SPTBN1: variants seen among roughly 807,000 people sequenced by gnomAD.
SPTBN1 encodes spectrin beta, non-erythrocytic 1.
SPTBN1 carries 32 observed loss-of-function variants against 266.4 expected under a neutral mutation model. That is an observed-to-expected ratio of 0.12 (90% CI 0.09 to 0.16). The LOEUF is 0.16. Among genes scored for constraint, SPTBN1 ranks in the 10% least tolerant of loss-of-function variants. The pLI is 1.00. For missense variants in SPTBN1, 2,296 were observed against 3,067.1 expected (o/e 0.75, Z 5.94); for synonymous variants, 1,336 against 1,162.2 (o/e 1.15, Z -3.04).
In SPTBN1 at chr2:54,631,374, C is replaced by T. The variant is rs1052788; in HGVS notation, c.3327C>T (p.Asn1109=). ...TCACGCAGCACGAGAACATCAAGAA[C>T]GAGATCGACAACTACGAGGAGGACT... ...KLLTQHENIK[N]EIDNYEEDYQ... Residue 1109 remains asparagine (N), a synonymous_variant, in exon 16 of 36, where the codon AAC becomes AAT. Transcript: ENST00000356805. 0.31 allele frequency: 493,978 copies of T among 1,614,044 alleles called. 79,584 individuals are homozygous for T. The highest frequency in any genetic ancestry group is 0.34 in the Admixed American group (20,567 of 60,028).
At chr2:54,590,795 C>G (rs1398978004) in intron 2 of SPTBN1, among the ~76,000 whole-genome samples, 1 of 152,156 alleles carries the variant, frequency 6.6e-6, no homozygotes, top group Non-Finnish European at 1.5e-5. Context: ...AAGCTGATGC[C>G]TTAGGAGAGC....
rs546649133 is a variant in SPTBN1 at position 54,493,466 on chromosome 2, C to T, written c.-47-32906C>T. Among the ~76,000 whole-genome samples the T allele has an allele frequency of 5.3e-5, 8 of 151,766 alleles. No individual in the cohort carries two copies. The South Asian group carries it at 1.5e-3, about 28-fold the overall frequency. ...TGTCACGCAGACTGGAGTGCAGTGG[C>T]GTGATCTCAGCTCACTGCAACCTCC... is the stretch of plus-strand genomic sequence containing the variant. On this transcript the variant is annotated intron_variant, in intron 1 of 35. Transcript: ENST00000356805.
chr2:54,503,680 C>A (rs1302531255), intron 1 of SPTBN1, among the ~76,000 whole-genome samples: 1 of 152,190 alleles, frequency 6.6e-6, no homozygotes, highest in Non-Finnish European at 1.5e-5. Flanking sequence ...AGTAACACAG[C>A]AATATTAAAA....
chr2:54,539,767 C>T (rs532913286), intron 2 of SPTBN1, among the ~76,000 whole-genome samples: 9 of 152,252 alleles, frequency 5.9e-5, no homozygotes, highest in Non-Finnish European at 1.0e-4. Flanking sequence ...GTCTTGAACT[C>T]CTGGGCTCAA....
chr2:54,562,536 T>TTTTTCTTTTTTTTTC (rs1553447708), intron 2 of SPTBN1, among the ~76,000 whole-genome samples: 1 of 146,150 alleles, frequency 6.8e-6, no homozygotes, highest in Non-Finnish European at 1.5e-5. Flanking sequence ...TCTTTTTCTT[T>TTTTTCTTTTTTTTTC]TTTTTTTTTG....
At chr2:54,519,352 C>T (rs560712831) in intron 1 of SPTBN1, among the ~76,000 whole-genome samples, 12 of 152,222 alleles carry the variant, frequency 7.9e-5, no homozygotes, top group African/African-American at 2.9e-4. Context: ...GATAGGTCAG[C>T]GGTGCATAAG....
chr2:54,564,819 T>C (rs779144081), intron 2 of SPTBN1, among the ~76,000 whole-genome samples: 16 of 152,238 alleles, frequency 1.1e-4, no homozygotes, highest in African/African-American at 1.7e-4. Context: ...GATTTTTCAT[T>C]ACTGCCTTTT....
chr2:54,475,521 AT>A (rs1263555506), intron 1 of SPTBN1, among the ~76,000 whole-genome samples: 2 of 152,158 alleles, frequency 1.3e-5, no homozygotes, highest in Non-Finnish European at 2.9e-5. Flanking sequence ...GTTCTGAGGA[AT>A]GGCCTGTGTC....
chr2:54,654,001 A>G, intron 27 of SPTBN1, 148 bp downstream of exon 27: 2 of 1,226,590 alleles, frequency 1.6e-6, no homozygotes, highest in South Asian at 3.2e-5. Context: ...GGAGTGCGGC[A>G]CCACTGCTTG....
intron 7 of SPTBN1, among the ~76,000 whole-genome samples, chr2:54,620,630 C>CA (rs1677930177): frequency 1.3e-5 from 2 of 152,078 alleles, no homozygotes; most frequent in African/African-American, 2.4e-5. Flanking sequence ...GCCTGGGTGA[C>CA]AGAGTGAGAC....
chr2:54,549,353 C>T (rs1033821437), intron 2 of SPTBN1, among the ~76,000 whole-genome samples: 1 of 150,758 alleles, frequency 6.6e-6, no homozygotes, highest in African/African-American at 2.4e-5. Context: ...TTTCCAAGAG[C>T]ATTATGTCCT....
At position 54,554,231 on chromosome 2, in the gene SPTBN1, C is replaced by T. The variant is rs1672736229; in HGVS notation, c.148+27665C>T. On this transcript the variant is annotated intron_variant, in intron 2 of 35. Transcript: ENST00000356805. The surrounding 1 kb of genome is among the most constrained non-coding windows in gnomAD (Gnocchi z 4.5). ...ATATACTCTGAGCATATGGGAGAAA[C>T]AGCAGAGGTGGGGAGATGGGGAGCA... is the stretch of plus-strand genomic sequence containing the variant. 1.3e-5 allele frequency among the ~76,000 whole-genome samples: 2 copies of T among 152,164 alleles called. No homozygotes were observed. Among genetic ancestry groups the T allele is most frequent in the Non-Finnish European group, 2.9e-5 (2 of 68,038 alleles).
chr2:54,590,373 G>A (rs531733287), intron 2 of SPTBN1, among the ~76,000 whole-genome samples: 59 of 152,276 alleles, frequency 3.9e-4, no homozygotes, highest in Non-Finnish European at 7.6e-4. Context: ...AAGATTTATC[G>A]AGAACCTAGT....
chr2:54,593,400 G>T (rs1314700795), intron 2 of SPTBN1, among the ~76,000 whole-genome samples: 2 of 152,056 alleles, frequency 1.3e-5, no homozygotes, highest in African/African-American at 4.8e-5. Context: ...AGGGCTGCTG[G>T]TTCTTTTTGT....
chr2:54,498,718 A>G (rs1452844607), intron 1 of SPTBN1, among the ~76,000 whole-genome samples: 1 of 152,180 alleles, frequency 6.6e-6, no homozygotes, highest in African/African-American at 2.4e-5. Flanking sequence ...TCCATTGTCA[A>G]TGCATTTTTC....
rs1678344246 is a variant in SPTBN1, at chr2:54,626,501, A to C, written c.1644+267A>C. Among the ~76,000 whole-genome samples, 1 of 151,690 alleles carries C rather than the reference A, an allele frequency of 6.6e-6. No individual in the cohort carries two copies. Among genetic ancestry groups the C allele is most frequent in the Middle Eastern group, 3.2e-3 (1 of 310 alleles). On this transcript the variant is annotated intron_variant, in intron 12 of 35. Coordinates refer to ENST00000356805, the MANE Select transcript of SPTBN1 (RefSeq NM_003128.3). The surrounding 1 kb of genome is among the most constrained non-coding windows in gnomAD (Gnocchi z 4.7). ...TATATTCCAGTGTAGGGAATCAATC[A>C]CATTGTGGTTTTCTTTATTTTTAAG...
At chr2:54,581,577 C>CTTTTTTTTT (rs70944181) in intron 2 of SPTBN1, among the ~76,000 whole-genome samples, 5 of 102,658 alleles carry the variant, frequency 4.9e-5, no homozygotes, top group Admixed American at 1.1e-4. Flanking sequence ...TTTCTTTGCC[C>CTTTTTTTTT]TTTTTTTTTT....
At chr2:54,483,496 C>T (rs1183743925) in intron 1 of SPTBN1, among the ~76,000 whole-genome samples, 1 of 152,170 alleles carries the variant, frequency 6.6e-6, no homozygotes, top group African/African-American at 2.4e-5. Context: ...GTGAGAAACC[C>T]TCACGTGGAG....
chr2:54,487,113 T>C (rs1006950195), intron 1 of SPTBN1, among the ~76,000 whole-genome samples: 2 of 152,074 alleles, frequency 1.3e-5, no homozygotes, highest in Non-Finnish European at 2.9e-5. Context: ...CAGTTTATAT[T>C]GTTCATGTAT....
Sources: gnomAD v4.1 joint callset for allele counts (sites outside exome capture counted in the v4.1 genomes callset) on GRCh38, gnomAD v4.1.1 for gene constraint, Gnocchi (gnomAD v3.1) non-coding constraint, MANE v1.5 for transcripts, NCBI Gene and HGNC (gene_info 2026-07-23, HGNC 2026-07-21) for gene names.